DDX25: variants seen among roughly 807,000 people sequenced by gnomAD.
The protein encoded by DDX25 is ATP-dependent RNA helicase DDX25.
A neutral mutation model predicts 64.6 loss-of-function variants in DDX25; 70 were observed. The observed-to-expected ratio is 1.08, with a 90% CI of 0.89 to 1.32. The LOEUF (loss-of-function observed/expected upper bound fraction) is 1.32. Among genes scored for constraint, DDX25 ranks in the 40% most tolerant of loss-of-function variants. The probability of loss-of-function intolerance (pLI) is 0.00; values close to 1 mark genes in which losing one functional copy is unlikely to be tolerated. For synonymous variants in DDX25, 211 were observed against 213.3 expected, an observed-to-expected ratio of 0.99 and a Z score of 0.09; for missense variants, 587 against 604.4, an observed-to-expected ratio of 0.97 and a Z score of 0.30.
rs570433664 is a variant in DDX25 at position 125,923,189 on chromosome 11, C to G, written c.*308C>G. On this transcript the variant is annotated 3_prime_UTR_variant, in exon 12 of 12. Coordinates refer to ENST00000263576, the MANE Select transcript of DDX25 (RefSeq NM_013264.5). ...TTGATACAATCTGAGCAGATCGTGC[C>G]TCTTGGGAGCATCTTACTGTGTCAC... 1 of 239,644 alleles carries G rather than the reference C, an allele frequency of 4.2e-6. No individual in the cohort carries two copies. The highest frequency in any genetic ancestry group is 8.1e-6 in the Non-Finnish European group (1 of 124,142). 14.8% of individuals were successfully genotyped at this position (239,644 alleles called of 1,614,324 possible). A position where few individuals can be genotyped will look rare whatever the true frequency, so the allele number is the denominator to read the frequency against.
chr11:125,910,364 T>G lies in DDX25; in HGVS notation c.508T>G (p.Cys170Gly), dbSNP rs1413483085. 6.2e-7 allele frequency: 1 copy of G among 1,613,560 alleles called. No homozygotes were observed. The highest frequency in any genetic ancestry group is 1.3e-5 in the African/African-American group (1 of 74,938). Residue 170 changes from cysteine (C) to glycine (G), a missense_variant and splice_region_variant, in exon 7 of 12, where the codon TGC becomes GGC. By Grantham distance (159) the Cys-to-Gly change is radical (BLOSUM62 -3). Coordinates refer to ENST00000263576, the MANE Select transcript of DDX25 (RefSeq NM_013264.5). Reference protein sequence around the residue: ...RVNALELFPQCLCLAPTYELA... With the variant: ...RVNALELFPQGLCLAPTYELA... ...CCCCTCTTCTCTCTCTATCCCACAG[T>G]GCCTCTGCCTAGCTCCTACTTATGA...
Position 125,925,206 on chromosome 11 carries a change from T to C in DDX25, c.*2325T>C, listed in dbSNP as rs1048222790. The C allele has an allele frequency of 2.0e-5, 7 of 344,566 alleles. No homozygotes were observed. The highest frequency in any genetic ancestry group is 2.9e-5 in the Non-Finnish European group (5 of 172,130). 21.3% of individuals were successfully genotyped at this position (344,566 alleles called of 1,614,324 possible). ...TGTCCTAAATAAAACTTTACCACTT[T>C]CCTTTACAGTTCAAATCTCTGGTAA... On this transcript the variant is annotated 3_prime_UTR_variant, in exon 12 of 12. Coordinates refer to ENST00000263576, the MANE Select transcript of DDX25 (RefSeq NM_013264.5).
In DDX25 at chr11:125,926,009, CAGACAGCAG is replaced by C. The variant is rs1945164239; in HGVS notation, c.*3132_*3140del. 2 of 153,012 alleles carry C rather than the reference CAGACAGCAG, an allele frequency of 1.3e-5. No individual in the cohort carries two copies. The highest frequency in any genetic ancestry group is 4.1e-4 in the South Asian group (2 of 4,838). The allele number at this position is 153,012 out of a possible 1,614,324, so 9.5% of individuals were successfully genotyped here. ...TGGTGGGTGGTGGGCAGTACCTTTC[CAGACAGCAG>C]AGAGAGAGAGGCTGGTTTTGTCAAG... On this transcript the variant is annotated 3_prime_UTR_variant, in exon 12 of 12. Coordinates refer to ENST00000263576, the MANE Select transcript of DDX25 (RefSeq NM_013264.5).
intron 6 of DDX25, 24 bp downstream of exon 6, chr11:125,908,527 T>A: frequency 6.2e-7 from 1 of 1,607,144 alleles, no homozygotes; most frequent in South Asian, 1.1e-5. Flanking sequence ...GAGAGAAGAC[T>A]GGGAATGCTT....
upstream of DDX25, chr11:125,904,394 T>TGGTCGC (rs1243770724): frequency 2.2e-5 from 20 of 898,064 alleles, no homozygotes; most frequent in African/African-American, 3.5e-5. Context: ...CGCACCGCGG[T>TGGTCGC]GGTCGCGGGC....
rs757074675 is a variant in DDX25, at chr11:125,906,117, A to G, written c.219A>G (p.Gln73=). The G allele has an allele frequency of 2.6e-6, 4 of 1,550,700 alleles. No individual in the cohort carries two copies. Among genetic ancestry groups the G allele is most frequent in the East Asian group, 2.4e-5 (1 of 40,894 alleles). The change falls in exon 4 of 12, where the codon CAA becomes CAG. Residue 73 remains glutamine, a synonymous_variant. Coordinates refer to ENST00000263576, the MANE Select transcript of DDX25 (RefSeq NM_013264.5). ...CACTCTTAAACAAGTTAATCCATCA[A>G]TCCTTAGTAGAATCCAGTCACCGTG... is the stretch of plus-strand genomic sequence containing the variant. The part of the protein sequence containing the change: ...ANSLLNKLIH[Q]SLVESSHRVE...
chr11:125,922,647 C>T (rs1219916735), intron 11 of DDX25, 173 bp from the exon 12 acceptor site: 2 of 525,464 alleles, frequency 3.8e-6, no homozygotes, highest in Non-Finnish European at 6.7e-6. Context: ...TGGTCTGGTG[C>T]ATTTGATGCT....
chr11:125,923,967 T>TA lies in DDX25; in HGVS notation c.*1087dup, dbSNP rs1226856117. The stretch of plus-strand genomic sequence containing the variant: ...TCTCCCGGAGAGCAGGGCTCAGAAA[T>TA]ACATAAAAATCATCACGTGGCTGGG... On this transcript the variant is annotated 3_prime_UTR_variant, in exon 12 of 12. Transcript: ENST00000263576. 1 of 152,014 alleles carries TA rather than the reference T, an allele frequency of 6.6e-6. No individual in the cohort carries two copies. Among genetic ancestry groups the TA allele is most frequent in the African/African-American group, 2.4e-5 (1 of 41,360 alleles). The allele number at this position is 152,014 out of a possible 1,614,324, so 9.4% of individuals were successfully genotyped here.
chr11:125,906,356 G>A, intron 4 of DDX25, 147 bp downstream of exon 4: 2 of 1,079,354 alleles, frequency 1.9e-6, no homozygotes, highest in Non-Finnish European at 2.5e-6. Context: ...GTCTCACTCT[G>A]TCCCCCAGGC....
chr11:125,911,246 C>A, intron 7 of DDX25, 65 bp from the exon 8 acceptor site: 2 of 1,481,280 alleles, frequency 1.4e-6, no homozygotes, highest in Middle Eastern at 1.8e-4. Context: ...ATTGCACTGC[C>A]CTGAACTGTG....
intron 9 of DDX25, among the ~76,000 whole-genome samples, chr11:125,918,087 G>C (rs658174): frequency 1.3e-5 from 2 of 151,914 alleles, no homozygotes; most frequent in Non-Finnish European, 2.9e-5. Flanking sequence ...CACCATGCTG[G>C]CCAGGCTGGT....
chr11:125,921,442 G>A lies in DDX25; in HGVS notation c.1390+63G>A. On this transcript the variant is annotated intron_variant, in intron 11 of 11. Transcript: ENST00000263576. This position sits in a 1 kb window ranked among gnomAD's most constrained non-coding sequence, Gnocchi z 4.1. ...TGCCGGTCTGACAGTGATGATGTGTGCTGGAGAGCTGGAGTCCAGGGGCTC... is the reference window on the plus strand; with the variant it reads ...TGCCGGTCTGACAGTGATGATGTGTACTGGAGAGCTGGAGTCCAGGGGCTC... 2 of 1,534,972 alleles carry A rather than the reference G, an allele frequency of 1.3e-6. No homozygotes were observed. The highest frequency in any genetic ancestry group is 2.3e-5 in the East Asian group (1 of 43,342).
chr11:125,904,373 C>A (rs1423634230), upstream of DDX25: 5 of 718,434 alleles, frequency 7.0e-6, no homozygotes, highest in Middle Eastern at 4.4e-4. Context: ...AGCCTTCCAG[C>A]GCCTGCGCGC....
At chr11:125,903,957 G>A (rs955788382), upstream of DDX25, among the ~76,000 whole-genome samples, 2 of 152,142 alleles carry the variant, frequency 1.3e-5, no homozygotes, top group Admixed American at 1.3e-4. Context: ...CAGGTATCTA[G>A]GGCAGGAACA....
Position 125,923,104 on chromosome 11 carries a change from A to G in DDX25, c.*223A>G. The G allele has an allele frequency of 1.9e-6, 1 of 533,496 alleles. No homozygotes were observed. The highest frequency in any genetic ancestry group is 3.3e-6 in the Non-Finnish European group (1 of 300,404). 33.0% of individuals were successfully genotyped at this position (533,496 alleles called of 1,614,324 possible). A position where few individuals can be genotyped will look rare whatever the true frequency, so the allele number is the denominator to read the frequency against. On this transcript the variant is annotated 3_prime_UTR_variant, in exon 12 of 12. Coordinates refer to ENST00000263576, the MANE Select transcript of DDX25 (RefSeq NM_013264.5). ...TAAAAAAAAGGCAAGATTATTTCTT[A>G]TTCTAATCTTTGTACAGGTAATGTC...
At chr11:125,908,542 T>C (rs777281273) in intron 6 of DDX25, 39 bp downstream of exon 6, 1 of 1,572,864 alleles carries the variant, frequency 6.4e-7, no homozygotes, top group South Asian at 1.1e-5. Context: ...ATGCTTGCAC[T>C]ACCAGTGCTA....
At position 125,917,152 on chromosome 11, in the gene DDX25, G is replaced by T. The variant is rs1187201431; in HGVS notation, c.939G>T (p.Arg313=). The T allele has an allele frequency of 6.2e-7, 1 of 1,610,992 alleles. No individual in the cohort carries two copies. Among genetic ancestry groups the T allele is most frequent in the East Asian group, 2.2e-5 (1 of 44,862 alleles). The stretch of plus-strand genomic sequence containing the variant: ...AGGAGCTCACACTGAACAACATCCG[G>T]CAATATTACGTGCTGTGTGAGCACA... The part of the protein sequence containing the change: ...RKEELTLNNI[R]QYYVLCEHRK... Residue 313 remains arginine, a synonymous_variant, in exon 9 of 12, where the codon CGG becomes CGT. Coordinates refer to ENST00000263576, the MANE Select transcript of DDX25 (RefSeq NM_013264.5).
chr11:125,907,435 C>A (rs199786871), intron 4 of DDX25, among the ~76,000 whole-genome samples: 2 of 152,054 alleles, frequency 1.3e-5, no homozygotes, highest in African/African-American at 2.4e-5. Flanking sequence ...AGTGAAACCC[C>A]GTCTCTACTA....
chr11:125,904,763 G>A (rs370449194), intron 1 of DDX25, 183 bp downstream of exon 1: 26 of 749,216 alleles, frequency 3.5e-5, no homozygotes, highest in Middle Eastern at 2.3e-4. Context: ...CCACCCCCAC[G>A]AGAGGCAAGA....
Sources: gnomAD v4.1 joint callset for allele counts (sites outside exome capture counted in the v4.1 genomes callset) on GRCh38, gnomAD v4.1.1 for gene constraint, Gnocchi (gnomAD v3.1) non-coding constraint, MANE v1.5 for transcripts, NCBI Gene and HGNC (gene_info 2026-07-23, HGNC 2026-07-21) for gene names.